Variants in HECW2 observed in about 807,000 individuals in gnomAD.
HECW2 encodes the protein HECT, C2 and WW domain containing E3 ubiquitin protein ligase 2.
A neutral mutation model predicts 175.2 loss-of-function variants in HECW2; 61 were observed. That is an observed-to-expected ratio of 0.35 (90% CI 0.28 to 0.43). The LOEUF (loss-of-function observed/expected upper bound fraction) is 0.43. Among genes scored for constraint, HECW2 ranks in the 20% least tolerant of loss-of-function variants. HECW2 has a pLI of 1.00. For missense variants in HECW2, 1,524 were observed against 2,000.5 expected (o/e 0.76, Z 4.54); for synonymous variants, 671 against 731.0 (o/e 0.92, Z 1.32).
chr2:196,280,393 A>G (rs1270859757), intron 14 of HECW2, among the ~76,000 whole-genome samples: 1 of 152,232 alleles, frequency 6.6e-6, no homozygotes, highest in Admixed American at 6.5e-5. Flanking sequence ...AGAATGTTTC[A>G]TATGGAACTC....
chr2:196,558,694 G>A (rs76388593), intron 1 of HECW2, among the ~76,000 whole-genome samples: 20,918 of 152,194 alleles, frequency 0.14, 1,516 homozygotes, highest in Middle Eastern at 0.25. Context: ...ATCCCTGCTG[G>A]CTCTGATCCA....
chr2:196,257,844 G>T lies in HECW2; in HGVS notation c.3398C>A (p.Ala1133Glu). The T allele has an allele frequency of 6.2e-7, 1 of 1,613,636 alleles. No homozygotes were observed. Among genetic ancestry groups the T allele is most frequent in the Non-Finnish European group, 8.5e-7 (1 of 1,179,546 alleles). The stretch of plus-strand genomic sequence containing the variant: ...GTACCTCAGCAACATAACAAGGTCT[G>T]CATCGCTTGAAAGGCGCACCAATCC... ...TPGLVRLSSDADLVMLLSLFE... is the reference protein window; with the variant it reads ...TPGLVRLSSDEDLVMLLSLFE... Residue 1133 changes from alanine to glutamate, a missense_variant, in exon 18 of 29, where the codon GCA becomes GAA. Around this residue, in one of 11 missense-constraint regions of HECW2, gnomAD observed 291 missense variants for 412.2 expected, o/e 0.71. Coordinates refer to ENST00000644978, the MANE Select transcript of HECW2 (RefSeq NM_001348768.2).
intron 2 of HECW2, among the ~76,000 whole-genome samples, chr2:196,378,028 G>A (rs144186681): frequency 1.1e-3 from 167 of 152,288 alleles, no homozygotes; most frequent in African/African-American, 3.7e-3. Context: ...GATTAGTTTT[G>A]CACGTATTAC....
At chr2:196,270,389 A>G (rs1689682868) in intron 17 of HECW2, among the ~76,000 whole-genome samples, 1 of 152,214 alleles carries the variant, frequency 6.6e-6, no homozygotes, top group South Asian at 2.1e-4. Flanking sequence ...GGGCTTGAGA[A>G]ATGATGTTTT....
At chr2:196,278,151 T>A (rs1264351988) in intron 15 of HECW2, among the ~76,000 whole-genome samples, 9 of 121,396 alleles carry the variant, frequency 7.4e-5, no homozygotes, top group South Asian at 2.8e-4. Flanking sequence ...TATATATATA[T>A]AAAGAAATTC....
At chr2:196,329,428 T>C (rs1692274701) in intron 5 of HECW2, 147 bp downstream of exon 5, 1 of 559,878 alleles carries the variant, frequency 1.8e-6, no homozygotes, top group Non-Finnish European at 3.2e-6. Context: ...TGGTAAGAGA[T>C]ATACTTGAAT....
chr2:196,352,439 C>CT (rs1263276270), intron 2 of HECW2, among the ~76,000 whole-genome samples: 7 of 152,222 alleles, frequency 4.6e-5, no homozygotes, highest in African/African-American at 1.7e-4. Flanking sequence ...GTGCAGGACA[C>CT]TATCTCTGAC....
intron 3 of HECW2, among the ~76,000 whole-genome samples, chr2:196,339,376 C>T (rs1692662912): frequency 6.6e-6 from 1 of 152,216 alleles, no homozygotes; most frequent in African/African-American, 2.4e-5. Context: ...ATATACATTT[C>T]CCAGGGCTGG....
chr2:196,333,567 A>G (rs992881420), intron 4 of HECW2, among the ~76,000 whole-genome samples: 1 of 152,142 alleles, frequency 6.6e-6, no homozygotes, highest in South Asian at 2.1e-4. Context: ...AGGAGTCAGT[A>G]TTTTTTCTAT....
chr2:196,568,242 T>C (rs538607242), intron 1 of HECW2, among the ~76,000 whole-genome samples: 1 of 152,322 alleles, frequency 6.6e-6, no homozygotes, highest in South Asian at 2.1e-4. Context: ...AAATCCTCTA[T>C]GTTATGATAG....
At chr2:196,376,645 A>G (rs1269793634) in intron 2 of HECW2, among the ~76,000 whole-genome samples, 1 of 150,876 alleles carries the variant, frequency 6.6e-6, no homozygotes, top group Non-Finnish European at 1.5e-5. Context: ...TAAAAAAAAA[A>G]AAAAGGGCCG....
intron 2 of HECW2, among the ~76,000 whole-genome samples, chr2:196,355,670 T>G (rs548821222): frequency 1.3e-5 from 2 of 152,272 alleles, no homozygotes; most frequent in Admixed American, 6.5e-5. Flanking sequence ...ATTCAACAAA[T>G]ATTTATTGAG....
At chr2:196,404,890 T>C (rs1232616224) in intron 2 of HECW2, among the ~76,000 whole-genome samples, 1 of 139,516 alleles carries the variant, frequency 7.2e-6, no homozygotes, top group Non-Finnish European at 1.5e-5. Flanking sequence ...AGTGGTGCAA[T>C]CTCGGCTCGC....
At chr2:196,390,869 T>C (rs571286835) in intron 2 of HECW2, among the ~76,000 whole-genome samples, 3 of 152,192 alleles carry the variant, frequency 2.0e-5, no homozygotes, top group Non-Finnish European at 4.4e-5. Context: ...GACTTTCTGT[T>C]TTGAGCTTTG....
At chr2:196,258,167 C>T in intron 17 of HECW2, 1 of 457,254 alleles carries the variant, frequency 2.2e-6, no homozygotes, top group Non-Finnish European at 3.9e-6. Context: ...ATTTTGCTGC[C>T]CAAGTACTAT....
At chr2:196,275,669 T>G (rs1161844501) in intron 15 of HECW2, among the ~76,000 whole-genome samples, 4 of 152,036 alleles carry the variant, frequency 2.6e-5, no homozygotes, top group Non-Finnish European at 5.9e-5. Context: ...GGAGAATCTC[T>G]TGAACCCGGG....
intron 2 of HECW2, among the ~76,000 whole-genome samples, chr2:196,397,352 G>C (rs1171158012): frequency 6.6e-6 from 1 of 152,092 alleles, no homozygotes; most frequent in African/African-American, 2.4e-5. Flanking sequence ...ATATCTGGAA[G>C]GGCTTACTGA....
chr2:196,472,024 A>G (rs151321008), intron 1 of HECW2, among the ~76,000 whole-genome samples: 3 of 152,046 alleles, frequency 2.0e-5, no homozygotes, highest in Non-Finnish European at 4.4e-5. Context: ...AAAGTCACTT[A>G]TAGACGAATG....
rs142763766 is a variant in HECW2 at position 196,357,331 on chromosome 2, C to CGG, written c.293-13569_293-13568dup. On this transcript the variant is annotated intron_variant, in intron 2 of 28. Coordinates refer to ENST00000644978, the MANE Select transcript of HECW2 (RefSeq NM_001348768.2). ...TGACAACCCTGGTGGGGGGCTTGGG[C>CGG]GGGGGGGCGGCACTCATCCTCCTCT... Among the ~76,000 whole-genome samples the CGG allele has an allele frequency of 5.0e-4, 73 of 146,390 alleles. No individual in the cohort carries two copies. The Middle Eastern group carries it at 0.017, about 35-fold the overall frequency.
Sources: gnomAD v4.1 joint callset for allele counts (sites outside exome capture counted in the v4.1 genomes callset) on GRCh38, gnomAD v4.1.1 for gene constraint, gnomAD v4.1.1 regional missense constraint, MANE v1.5 for transcripts, NCBI Gene and HGNC (gene_info 2026-07-23, HGNC 2026-07-21) for gene names.